The following PCSK5 variants were observed in gnomAD, a reference collection of about 807,000 sequenced individuals.
PCSK5 encodes the protein proprotein convertase subtilisin/kexin type 5, also known as prohormone convertase 5.
PCSK5 carries 129 observed loss-of-function variants against 233.2 expected under a neutral mutation model. The observed-to-expected ratio is 0.55, with a 90% CI of 0.48 to 0.64. PCSK5 has a LOEUF of 0.64. Ranked by LOEUF, PCSK5 falls within the 30% of genes least tolerant of loss-of-function variation. The probability of loss-of-function intolerance (pLI) is 0.00; values close to 1 mark genes in which losing one functional copy is unlikely to be tolerated. For synonymous variants in PCSK5, 825 were observed against 879.2 expected (o/e 0.94, Z 1.09); for missense variants, 2,076 against 2,430.1 (o/e 0.85, Z 3.06).
intron 7 of PCSK5, among the ~76,000 whole-genome samples, chr9:76,089,949 A>C (rs1250370876): frequency 6.6e-6 from 1 of 152,250 alleles, no homozygotes; most frequent in Non-Finnish European, 1.5e-5. Flanking sequence ...TTCTTGAGAA[A>C]AAAAATGTGC....
intron 24 of PCSK5, among the ~76,000 whole-genome samples, chr9:76,282,513 T>A (rs1286585240): frequency 6.6e-6 from 1 of 151,760 alleles, no homozygotes; most frequent in Non-Finnish European, 1.5e-5. Context: ...AAATAGAGTC[T>A]CCCTATGTTG....
chr9:76,024,785 C>T (rs1253215405), intron 4 of PCSK5, among the ~76,000 whole-genome samples: 2 of 152,080 alleles, frequency 1.3e-5, no homozygotes, highest in African/African-American at 4.8e-5. Flanking sequence ...TATGTTGGAC[C>T]TGGTGGGTAA....
chr9:76,106,121 C>T (rs1831968947), intron 8 of PCSK5, among the ~76,000 whole-genome samples: 1 of 152,120 alleles, frequency 6.6e-6, no homozygotes, highest in African/African-American at 2.4e-5. Flanking sequence ...TGCCTGGATC[C>T]CCCTTCACCT....
chr9:76,048,697 G>A (rs1473843351), intron 5 of PCSK5, among the ~76,000 whole-genome samples: 2 of 152,134 alleles, frequency 1.3e-5, no homozygotes, highest in African/African-American at 4.8e-5. Context: ...CTATTAGAGA[G>A]ATCAAATGAA....
chr9:76,147,158 T>G (rs1564061222), intron 10 of PCSK5, among the ~76,000 whole-genome samples: 1 of 152,194 alleles, frequency 6.6e-6, no homozygotes, highest in African/African-American at 2.4e-5. Flanking sequence ...CATATGTACT[T>G]AACGCCTTAA....
At chr9:76,143,654 T>C (rs1168088220) in intron 10 of PCSK5, among the ~76,000 whole-genome samples, 1 of 152,126 alleles carries the variant, frequency 6.6e-6, no homozygotes, top group Non-Finnish European at 1.5e-5. Flanking sequence ...CGACATTTTT[T>C]ATCATCTCTT....
chr9:76,149,934 C>A lies in PCSK5; in HGVS notation c.1313-7111C>A, dbSNP rs541605742. ...TCTTAAAATGGATAGAGGCCCTTGACAGAAAGCAGACATATCTCCTTCTTG... is the reference window on the plus strand; with the variant it reads ...TCTTAAAATGGATAGAGGCCCTTGAAAGAAAGCAGACATATCTCCTTCTTG... On this transcript the variant is annotated intron_variant, in intron 10 of 37. Coordinates refer to ENST00000674117, the MANE Select transcript of PCSK5 (RefSeq NM_001372043.1). Among the ~76,000 whole-genome samples, 4 of 152,270 alleles carry A rather than the reference C, an allele frequency of 2.6e-5. No individual in the cohort carries two copies. The South Asian group carries it at 6.2e-4, about 24-fold the overall frequency.
chr9:76,083,489 A>T (rs1440577385), intron 7 of PCSK5, among the ~76,000 whole-genome samples: 1 of 152,208 alleles, frequency 6.6e-6, no homozygotes, highest in Admixed American at 6.5e-5. Context: ...GGTCAAGAAG[A>T]GTCAGTGAAA....
intron 13 of PCSK5, among the ~76,000 whole-genome samples, chr9:76,173,882 G>A (rs902319128): frequency 2.0e-5 from 3 of 152,060 alleles, no homozygotes; most frequent in Non-Finnish European, 1.5e-5. Flanking sequence ...GATAAGGCAG[G>A]AGAATTGCTT....
rs565924148 is a variant in PCSK5, at chr9:76,210,876, T to C, written c.2627-16627T>C. ...ATGGAATGGAGAGCTGTTCAGGAGA[T>C]AGAACAGACTGAAATTGTGAGGGAT... On this transcript the variant is annotated intron_variant, in intron 20 of 37. Coordinates refer to ENST00000674117, the MANE Select transcript of PCSK5 (RefSeq NM_001372043.1). 9.9e-5 allele frequency among the ~76,000 whole-genome samples: 15 copies of C among 152,138 alleles called. No homozygotes were observed. In the South Asian group the frequency reaches 2.1e-3, roughly 21 times the overall value.
intron 24 of PCSK5, among the ~76,000 whole-genome samples, chr9:76,259,334 T>C (rs1310880337): frequency 6.6e-6 from 1 of 152,128 alleles, no homozygotes; most frequent in Non-Finnish European, 1.5e-5. Flanking sequence ...CTACTTGGAA[T>C]GTTTTTCCCA....
At chr9:76,083,942 A>G (rs1382807803) in intron 7 of PCSK5, among the ~76,000 whole-genome samples, 1 of 152,260 alleles carries the variant, frequency 6.6e-6, no homozygotes, top group Non-Finnish European at 1.5e-5. Context: ...TTGCTTTTTA[A>G]TAAATGACAG....
chr9:76,001,290 A>C (rs935597313), intron 3 of PCSK5, among the ~76,000 whole-genome samples: 3 of 152,086 alleles, frequency 2.0e-5, no homozygotes, highest in African/African-American at 7.2e-5. Context: ...TGTATCCCAC[A>C]CATGTCATGT....
intron 5 of PCSK5, among the ~76,000 whole-genome samples, chr9:76,029,145 C>T (rs1249024673): frequency 6.6e-6 from 1 of 152,112 alleles, no homozygotes; most frequent in African/African-American, 2.4e-5. Flanking sequence ...AGCTGTCTGA[C>T]CATACTTAAC....
chr9:75,895,805 C>G (rs189070537), intron 1 of PCSK5, among the ~76,000 whole-genome samples: 15 of 152,310 alleles, frequency 9.8e-5, no homozygotes, highest in Non-Finnish European at 1.8e-4. Context: ...GGAAGAGATA[C>G]ATTCGCAGGG....
chr9:76,112,421 AAC>A lies in PCSK5; in HGVS notation c.1208+5072_1208+5073del, dbSNP rs760423631. Among the ~76,000 whole-genome samples the A allele has an allele frequency of 6.2e-4, 95 of 152,208 alleles. 1 individual carries two copies. The highest frequency in any genetic ancestry group is 4.6e-4 in the Non-Finnish European group (31 of 68,030). On this transcript the variant is annotated intron_variant, in intron 9 of 37. Transcript: ENST00000674117. ...CTAAATTTAGAAAATAAATTAAACTAACAGCTGCTCTTCTACAGTAGAAATAC... is the reference window on the plus strand; with the variant it reads ...CTAAATTTAGAAAATAAATTAAACTAAGCTGCTCTTCTACAGTAGAAATAC...
At chr9:76,177,942 T>A (rs987706262) in intron 14 of PCSK5, among the ~76,000 whole-genome samples, 1 of 127,242 alleles carries the variant, frequency 7.9e-6, no homozygotes, top group South Asian at 2.5e-4. Context: ...CAAGAATAAA[T>A]GTTTGGGATT....
chr9:76,095,524 A>T (rs1442344531), intron 7 of PCSK5, among the ~76,000 whole-genome samples: 1 of 152,190 alleles, frequency 6.6e-6, no homozygotes, highest in Non-Finnish European at 1.5e-5. Context: ...TTAAAAAAAA[A>T]TTTAATTGAA....
chr9:76,235,296 T>A (rs1481424983), intron 22 of PCSK5, among the ~76,000 whole-genome samples: 1 of 135,718 alleles, frequency 7.4e-6, no homozygotes, highest in African/African-American at 2.7e-5. Context: ...CTCTTCTTAT[T>A]TGCAACAAAA....
Sources: allele counts gnomAD v4.1 joint callset (sites outside exome capture counted in the v4.1 genomes callset), GRCh38; gene constraint gnomAD v4.1.1; transcripts MANE v1.5; gene names NCBI Gene and HGNC (gene_info 2026-07-23, HGNC 2026-07-21).